The following DYNC1I2 variants were observed in gnomAD, a reference collection of about 807,000 sequenced individuals.
The protein encoded by DYNC1I2 is cytoplasmic dynein 1 intermediate chain 2.
DYNC1I2 carries 53 observed loss-of-function variants against 88.6 expected under a neutral mutation model. That is an observed-to-expected ratio of 0.60 (90% confidence interval 0.48 to 0.75). The LOEUF is 0.75. Among genes scored for constraint, DYNC1I2 ranks in the 30% least tolerant of loss-of-function variants. DYNC1I2 has a pLI of 0.00. For missense variants in DYNC1I2, 458 were observed against 766.6 expected, an observed-to-expected ratio of 0.60 and a Z score of 4.75; for synonymous variants, 198 against 254.6, an observed-to-expected ratio of 0.78 and a Z score of 2.12.
chr2:171,708,067 TCACA>T (rs71013065), intron 5 of DYNC1I2, among the ~76,000 whole-genome samples: 3 of 149,444 alleles, frequency 2.0e-5, no homozygotes, highest in East Asian at 2.0e-4. Context: ...TTTGTCTCTC[TCACA>T]CACACACACA....
In DYNC1I2 at chr2:171,749,825, T is replaced by G. The variant is rs2105804485; in HGVS notation, c.*1936T>G. Reference sequence around the variant, plus strand: ...TACTTTAAGGAATTACCTTTAAAGTTGACTATATAATAGCAAAAGAGAAAG... The same window carrying G: ...TACTTTAAGGAATTACCTTTAAAGTGGACTATATAATAGCAAAAGAGAAAG... On this transcript the variant is annotated 3_prime_UTR_variant, in exon 18 of 18. Transcript: ENST00000397119. Among the ~76,000 whole-genome samples the G allele has an allele frequency of 6.6e-6, 1 of 152,176 alleles. No individual in the cohort carries two copies. The highest frequency in any genetic ancestry group is 3.4e-3 in the Middle Eastern group (1 of 294).
intron 6 of DYNC1I2, among the ~76,000 whole-genome samples, chr2:171,713,523 A>T (rs1305308725): frequency 1.3e-5 from 2 of 151,656 alleles, no homozygotes; most frequent in African/African-American, 4.8e-5. Context: ...TTAGAGTTTT[A>T]AAACTTGTTC....
At chr2:171,717,127 T>G (rs529938673) in intron 7 of DYNC1I2, among the ~76,000 whole-genome samples, 8 of 148,432 alleles carry the variant, frequency 5.4e-5, no homozygotes, top group African/African-American at 2.0e-4. Context: ...ATAACATTTT[T>G]GTTCAAGTAT....
intron 5 of DYNC1I2, among the ~76,000 whole-genome samples, chr2:171,712,091 T>C (rs1450654995): frequency 6.6e-6 from 1 of 152,218 alleles, no homozygotes; most frequent in Non-Finnish European, 1.5e-5. Flanking sequence ...ACATAAAATA[T>C]TTTTCCAGGG....
chr2:171,743,126 T>C (rs964415306), intron 15 of DYNC1I2, among the ~76,000 whole-genome samples: 1 of 152,214 alleles, frequency 6.6e-6, no homozygotes, highest in Non-Finnish European at 1.5e-5. Flanking sequence ...TTAACACATA[T>C]TTTTTATGTT....
intron 3 of DYNC1I2, among the ~76,000 whole-genome samples, chr2:171,697,827 C>T (rs1685898437): frequency 6.6e-6 from 1 of 151,496 alleles, no homozygotes; most frequent in Non-Finnish European, 1.5e-5. Context: ...GAACTCTAGC[C>T]TGAGCGACAC....
intron 15 of DYNC1I2, among the ~76,000 whole-genome samples, chr2:171,737,789 G>A (rs982305217): frequency 6.0e-5 from 9 of 150,002 alleles, no homozygotes; most frequent in East Asian, 3.9e-4. Flanking sequence ...CTGCATATTC[G>A]TCCACTGAGT....
intron 15 of DYNC1I2, among the ~76,000 whole-genome samples, chr2:171,732,885 C>A (rs1367931158): frequency 1.3e-5 from 2 of 151,900 alleles, no homozygotes; most frequent in Admixed American, 1.3e-4. Context: ...ATTTTACATT[C>A]GAAGGTACAG....
At chr2:171,714,081 ATT>A (rs1174882564) in intron 6 of DYNC1I2, among the ~76,000 whole-genome samples, 2 of 152,164 alleles carry the variant, frequency 1.3e-5, no homozygotes, top group East Asian at 3.9e-4. Context: ...TTTTTATATA[ATT>A]TGCATCTTAA....
chr2:171,720,969 G>T (rs115285814), intron 7 of DYNC1I2, among the ~76,000 whole-genome samples: 2,814 of 151,478 alleles, frequency 0.019, 55 homozygotes, highest in Admixed American at 0.068. Context: ...CTAATACTGC[G>T]AAAATAAAAC....
At position 171,726,771 on chromosome 2, in the gene DYNC1I2, T is replaced by A; in HGVS notation, c.871-20T>A. ...CTTATTATGCATAGCATTTCTTTTCTTCTTGATTCTTCTGAGCAGTATCCG... is the reference window on the plus strand; with the variant it reads ...CTTATTATGCATAGCATTTCTTTTCATCTTGATTCTTCTGAGCAGTATCCG... On this transcript the variant is annotated intron_variant, in intron 10 of 17. Coordinates refer to ENST00000397119, the MANE Select transcript of DYNC1I2 (RefSeq NM_001378.3). 1 of 1,610,462 alleles carries A rather than the reference T, an allele frequency of 6.2e-7. No homozygotes were observed. Among genetic ancestry groups the A allele is most frequent in the Non-Finnish European group, 8.5e-7 (1 of 1,178,434 alleles).
At chr2:171,728,443 AT>A in intron 13 of DYNC1I2, 25 bp downstream of exon 13, 2 of 1,395,242 alleles carry the variant, frequency 1.4e-6, no homozygotes, top group South Asian at 1.3e-5. Flanking sequence ...GGAAACTGAA[AT>A]TTTGAGGCAA....
chr2:171,693,025 T>G, intron 3 of DYNC1I2, 131 bp downstream of exon 3: 1 of 732,676 alleles, frequency 1.4e-6, no homozygotes, highest in Non-Finnish European at 2.3e-6. Flanking sequence ...ATCTTTTATT[T>G]GGAATTGTCT....
intron 15 of DYNC1I2, among the ~76,000 whole-genome samples, chr2:171,740,805 A>G (rs1689369879): frequency 6.6e-6 from 1 of 152,158 alleles, no homozygotes; most frequent in Non-Finnish European, 1.5e-5. Flanking sequence ...TTATTGAGCA[A>G]AACCCTTATA....
Position 171,690,234 on chromosome 2 carries a change from A to G in DYNC1I2, c.79A>G (p.Arg27Gly). 6.5e-7 allele frequency: 1 copy of G among 1,548,720 alleles called. No individual in the cohort carries two copies. The highest frequency in any genetic ancestry group is 8.7e-7 in the Non-Finnish European group (1 of 1,146,054). The change falls in exon 2 of 18, where the codon AGA (arginine) becomes GGA (glycine). Residue 27 changes from arginine to glycine, a missense_variant. This residue lies in a region of DYNC1I2 where 10 missense variants were observed against 34.1 expected (regional missense o/e 0.29). Coordinates refer to ENST00000397119, the MANE Select transcript of DYNC1I2 (RefSeq NM_001378.3). ...GGCCCAAATCAGAGAGGAAAAGAAG[A>G]GAAAAGAAGAAGAAAGGAAAAAAAA... ...RLAQIREEKKRKEEERKKKET... is the reference protein window; with the variant it reads ...RLAQIREEKKGKEEERKKKET...
At chr2:171,745,096 A>AT (rs1014225431) in intron 16 of DYNC1I2, among the ~76,000 whole-genome samples, 6 of 152,236 alleles carry the variant, frequency 3.9e-5, no homozygotes, top group African/African-American at 9.6e-5. Context: ...AATTAGAAGG[A>AT]TTTTTTTGTC....
chr2:171,738,479 C>G (rs941571764), intron 15 of DYNC1I2, among the ~76,000 whole-genome samples: 1 of 152,084 alleles, frequency 6.6e-6, no homozygotes, highest in Admixed American at 6.5e-5. Context: ...TGTAAATATA[C>G]CATAATTTAT....
chr2:171,719,704 T>G (rs1687777556), intron 7 of DYNC1I2, among the ~76,000 whole-genome samples: 1 of 152,264 alleles, frequency 6.6e-6, no homozygotes, highest in Non-Finnish European at 1.5e-5. Flanking sequence ...CCAAGCCTAT[T>G]CCTTTAAAAA....
Position 171,749,501 on chromosome 2 carries a change from A to T in DYNC1I2, c.*1612A>T, listed in dbSNP as rs1238133298. Among the ~76,000 whole-genome samples the T allele has an allele frequency of 3.9e-5, 6 of 152,116 alleles. No homozygotes were observed. The highest frequency in any genetic ancestry group is 8.8e-5 in the Non-Finnish European group (6 of 67,980). ...ATTTTAGTAGAGTCACACTTTCTTT[A>T]TATAGAAAAATTCATGTACTCACTA... On this transcript the variant is annotated 3_prime_UTR_variant, in exon 18 of 18. Coordinates refer to ENST00000397119, the MANE Select transcript of DYNC1I2 (RefSeq NM_001378.3).
Sources: gnomAD v4.1 joint callset for allele counts (sites outside exome capture counted in the v4.1 genomes callset) on GRCh38, gnomAD v4.1.1 for gene constraint, gnomAD v4.1.1 regional missense constraint, MANE v1.5 for transcripts, NCBI Gene and HGNC (gene_info 2026-07-23, HGNC 2026-07-21) for gene names.